CCDC7: variants seen among roughly 807,000 people sequenced by gnomAD.
CCDC7 encodes the protein coiled-coil domain-containing protein 7.
Under a neutral mutation model 196.9 loss-of-function variants are expected in CCDC7, and 183 were observed. That is an observed-to-expected ratio of 0.93 (90% CI 0.82 to 1.05). The LOEUF is 1.05. CCDC7 is among the 50% of genes least tolerant of loss of function. The probability of loss-of-function intolerance (pLI) is 0.00; values close to 1 mark genes in which losing one functional copy is unlikely to be tolerated. For synonymous variants in CCDC7, 525 were observed against 484.6 expected (o/e 1.08, Z -1.10); for missense variants, 1,540 against 1,482.2 (o/e 1.04, Z -0.64).
chr10:32,474,210 C>CT lies in CCDC7; in HGVS notation c.796+217dup, dbSNP rs71027095. Among the ~76,000 whole-genome samples, 197 of 58,960 alleles carry CT rather than the reference C, an allele frequency of 3.3e-3. 30 individuals are homozygous for CT. Among genetic ancestry groups the CT allele is most frequent in the African/African-American group, 0.011 (176 of 16,026 alleles). The allele number at this position is 58,960 out of a possible 152,430, so 38.7% of individuals were successfully genotyped here. ...GGATACGTGTTACTGAAACTAGATT[C>CT]TTTTTTTTTTTTTTTTTTTTTTTTT... On this transcript the variant is annotated intron_variant, in intron 8 of 41. Coordinates refer to ENST00000639629, the Ensembl canonical transcript of CCDC7.
chr10:32,635,788 C>T lies in CCDC7; in HGVS notation c.2014+630C>T, dbSNP rs577023066. Among the ~76,000 whole-genome samples the T allele has an allele frequency of 2.5e-3, 385 of 151,374 alleles. 2 individuals are homozygous for T. The highest frequency in any genetic ancestry group is 9.0e-3 in the African/African-American group (373 of 41,298). ...CTTTGTGTTTTTTTTTTCTGTATCT[C>T]TTGCATGAAGCTCATAGTTGTATAT... On this transcript the variant is annotated intron_variant, in intron 20 of 41. Transcript: ENST00000639629.
At chr10:32,736,642 G>T in intron 28 of CCDC7, among the ~76,000 whole-genome samples, 1 of 146,940 alleles carries the variant, frequency 6.8e-6, no homozygotes. Context: ...TACATATTTT[G>T]TTAGGTTTAT....
In CCDC7 at chr10:32,715,336, A is replaced by G. The variant is rs2081413309; in HGVS notation, c.2569+3606A>G. ...ACTGTTAGAAGGAAAACTAACAAAC[A>G]GAAAGCAATAGTATCAACATCAACA... On this transcript the variant is annotated intron_variant, in intron 25 of 41. Transcript: ENST00000639629. 2.0e-5 allele frequency among the ~76,000 whole-genome samples: 3 copies of G among 152,220 alleles called. No homozygotes were observed. In the South Asian group the frequency reaches 6.2e-4, roughly 32 times the overall value.
chr10:32,597,704 G>A (rs1397654912), intron 18 of CCDC7, among the ~76,000 whole-genome samples: 1 of 152,196 alleles, frequency 6.6e-6, no homozygotes, highest in African/African-American at 2.4e-5. Context: ...GGGGTTTGGT[G>A]TGCATGTCCT....
chr10:32,708,009 G>T (rs187055786), intron 24 of CCDC7, among the ~76,000 whole-genome samples: 1 of 152,022 alleles, frequency 6.6e-6, no homozygotes, highest in Non-Finnish European at 1.5e-5. Flanking sequence ...AGCCCGCATC[G>T]CCGAGACAAT....
chr10:32,728,945 A>T (rs1224667205), exon 27 of CCDC7: 3 of 1,609,970 alleles, frequency 1.9e-6, no homozygotes, highest in Admixed American at 1.7e-5. Flanking sequence ...CAAAGTCAAA[A>T]CTCCAAATGC....
At chr10:32,868,161 C>A (rs1249437866) in intron 41 of CCDC7, among the ~76,000 whole-genome samples, 2 of 151,912 alleles carry the variant, frequency 1.3e-5, no homozygotes, top group African/African-American at 4.8e-5. Flanking sequence ...CTTAATTATT[C>A]ATCCATCAGC....
intron 41 of CCDC7, among the ~76,000 whole-genome samples, chr10:32,858,882 T>C (rs141171877): frequency 3.7e-4 from 57 of 152,254 alleles, no homozygotes; most frequent in South Asian, 1.0e-3. Flanking sequence ...CCTAAATATA[T>C]GTGCATCCAA....
intron 11 of CCDC7, among the ~76,000 whole-genome samples, chr10:32,537,995 G>A (rs553256960): frequency 2.0e-4 from 31 of 152,112 alleles, no homozygotes; most frequent in South Asian, 1.0e-3. Flanking sequence ...GGTTCCTTAC[G>A]CATTTTAGAA....
intron 9 of CCDC7, among the ~76,000 whole-genome samples, chr10:32,505,281 A>T (rs1250529759): frequency 6.6e-6 from 1 of 152,132 alleles, no homozygotes; most frequent in African/African-American, 2.4e-5. Context: ...GAAGGTCACC[A>T]GATAAACACG....
chr10:32,533,777 T>G (rs921885869), intron 11 of CCDC7, among the ~76,000 whole-genome samples: 1 of 152,102 alleles, frequency 6.6e-6, no homozygotes, highest in African/African-American at 2.4e-5. Flanking sequence ...CTAGGCAAAT[T>G]GGAGCTTTTT....
chr10:32,868,737 G>C (rs1555207213), intron 41 of CCDC7, among the ~76,000 whole-genome samples: 1 of 103,166 alleles, frequency 9.7e-6, no homozygotes, highest in Non-Finnish European at 1.8e-5. Flanking sequence ...CCCCACAAAA[G>C]GCCCTGGCGT....
At chr10:32,559,763 A>G (rs373743098) in intron 13 of CCDC7, among the ~76,000 whole-genome samples, 2 of 152,194 alleles carry the variant, frequency 1.3e-5, no homozygotes, top group East Asian at 3.9e-4. Context: ...AAAGCAGAGC[A>G]CCTCTCCTCC....
Position 32,701,543 on chromosome 10 carries a change from G to C in CCDC7, c.2458+6551G>C, listed in dbSNP as rs541810528. Among the ~76,000 whole-genome samples the C allele has an allele frequency of 1.4e-3, 220 of 152,312 alleles. 1 individual carries two copies. The highest frequency in any genetic ancestry group is 5.0e-3 in the African/African-American group (209 of 41,562). Reference sequence around the variant, plus strand: ...GATGCTGGCCTCATAAAATGAGTTAGGGAGGATTCCCTCTTTTTCTATTGA... The same window carrying C: ...GATGCTGGCCTCATAAAATGAGTTACGGAGGATTCCCTCTTTTTCTATTGA... On this transcript the variant is annotated intron_variant, in intron 24 of 41. Transcript: ENST00000639629.
At chr10:32,469,453 T>A (rs2037494624) in intron 5 of CCDC7, among the ~76,000 whole-genome samples, 1 of 152,186 alleles carries the variant, frequency 6.6e-6, no homozygotes, top group Non-Finnish European at 1.5e-5. Flanking sequence ...CAGAGAAGTC[T>A]GCTGGGCTGC....
chr10:32,568,032 G>C, intron 15 of CCDC7, 141 bp downstream of exon 16: 1 of 821,394 alleles, frequency 1.2e-6, no homozygotes, highest in East Asian at 3.2e-5. Context: ...TTTTGAGATG[G>C]AGTCTTGCTC....
chr10:32,666,160 T>A (rs928124709), intron 21 of CCDC7, among the ~76,000 whole-genome samples: 2 of 150,040 alleles, frequency 1.3e-5, no homozygotes, highest in Non-Finnish European at 3.0e-5. Context: ...GTTTCACCGG[T>A]GTTATTTAGT....
rs193175545 is a variant in CCDC7 at position 32,779,871 on chromosome 10, G to A, written c.3013+787G>A. On this transcript the variant is annotated intron_variant, in intron 29 of 41. Coordinates refer to ENST00000639629, the Ensembl canonical transcript of CCDC7. ...AGTTTTGTGAAACTGTCAAAGGAGT[G>A]CTCCAGCAAAAGCCAGTATGAAAAG... Among the ~76,000 whole-genome samples the A allele has an allele frequency of 3.1e-3, 467 of 152,280 alleles. 6 individuals are homozygous for A. Among genetic ancestry groups the A allele is most frequent in the Non-Finnish European group, 2.6e-3 (175 of 68,016 alleles).
Position 32,456,320 on chromosome 10 carries a change from A to T in CCDC7, c.442A>T (p.Lys148Ter). 1 of 1,570,748 alleles carries T rather than the reference A, an allele frequency of 6.4e-7. No homozygotes were observed. The highest frequency in any genetic ancestry group is 2.3e-5 in the East Asian group (1 of 44,248). Reference sequence around the variant, plus strand: ...TGCAGCTCAGCTAGAAGAAGCACTTAAAGAAGAACAAAATGTATGTATTCT... The same window carrying T: ...TGCAGCTCAGCTAGAAGAAGCACTTTAAGAAGAACAAAATGTATGTATTCT... Residue 148 changes from lysine to a stop codon, truncating the protein, a stop_gained, in exon 3 of 42, where the codon AAA (lysine) becomes TAA (stop). Transcript: ENST00000639629. LOFTEE classifies it high-confidence loss of function.
Sources: allele counts gnomAD v4.1 joint callset (sites outside exome capture counted in the v4.1 genomes callset), GRCh38; gene constraint gnomAD v4.1.1; transcripts MANE v1.5; gene names NCBI Gene and HGNC (gene_info 2026-07-23, HGNC 2026-07-21).